The following THRB variants were observed in gnomAD, a reference collection of about 807,000 sequenced individuals.
THRB encodes the protein nuclear receptor subfamily 1 group A member 2.
Under a neutral mutation model 47.8 loss-of-function variants are expected in THRB, and 12 were observed. The observed-to-expected ratio is 0.25, with a 90% CI of 0.16 to 0.41. THRB has a LOEUF of 0.41. Among genes scored for constraint, THRB ranks in the 10% least tolerant of loss-of-function variants. The pLI is 1.00. For synonymous variants in THRB, 218 were observed against 212.2 expected (o/e 1.03, Z -0.24); for missense variants, 348 against 589.2 (o/e 0.59, Z 4.24).
intron 1 of THRB, among the ~76,000 whole-genome samples, chr3:24,493,925 T>C (rs1698584614): frequency 6.6e-6 from 1 of 152,232 alleles, no homozygotes; most frequent in South Asian, 2.1e-4. Context: ...AAATGAGTCC[T>C]TCTCCGAGGG....
intron 1 of THRB, among the ~76,000 whole-genome samples, chr3:24,463,164 A>C (rs1401275402): frequency 2.6e-5 from 4 of 152,256 alleles, no homozygotes. Context: ...TGGAGTGTTA[A>C]GGGATTAAGA....
Position 24,299,766 on chromosome 3 carries a change from C to CTTTTTTTTTTTTTTTTT in THRB, c.-188-2396_-188-2395insAAAAAAAAAAAAAAAAA, listed in dbSNP as rs1360367092. 2.4e-4 allele frequency among the ~76,000 whole-genome samples: 14 copies of CTTTTTTTTTTTTTTTTT among 58,570 alleles called. 5 individuals carry two copies. Among genetic ancestry groups the CTTTTTTTTTTTTTTTTT allele is most frequent in the African/African-American group, 8.9e-4 (11 of 12,370 alleles). 38.4% of individuals were successfully genotyped at this position (58,570 alleles called of 152,430 possible). A position where few individuals can be genotyped will look rare whatever the true frequency, so the allele number is the denominator to read the frequency against. ...GCCTTGAGGCTTCTGGGGAAGTATG[C>CTTTTTTTTTTTTTTTTT]TTTTTTATTTATTTATTTATTTATT... On this transcript the variant is annotated intron_variant, in intron 2 of 10. Coordinates refer to ENST00000646209, the MANE Select transcript of THRB (RefSeq NM_001354712.2).
At position 24,198,329 on chromosome 3, in the gene THRB, AGG is replaced by A. The variant is rs1278387818; in HGVS notation, c.23-7997_23-7996del. On this transcript the variant is annotated intron_variant, in intron 4 of 10. Coordinates refer to ENST00000646209, the MANE Select transcript of THRB (RefSeq NM_001354712.2). ...TTGCTATGGAAGCGTTATAGGTTATAGGACCTCACAGTGTTGGTGTGAAAGTA... is the reference window on the plus strand; with the variant it reads ...TTGCTATGGAAGCGTTATAGGTTATAACCTCACAGTGTTGGTGTGAAAGTA... Among the ~76,000 whole-genome samples, 5 of 152,138 alleles carry A rather than the reference AGG, an allele frequency of 3.3e-5. No homozygotes were observed. The South Asian group carries it at 6.2e-4, about 19-fold the overall frequency.
intron 8 of THRB, among the ~76,000 whole-genome samples, chr3:24,137,149 T>C (rs1476503419): frequency 6.6e-6 from 1 of 152,234 alleles, no homozygotes; most frequent in Admixed American, 6.5e-5. Flanking sequence ...ACCAAAGATA[T>C]GAACTTAAGG....
At position 24,138,443 on chromosome 3, in the gene THRB, G is replaced by A. The variant is rs545208646; in HGVS notation, c.739-4981C>T. ...GATAGTGCATGTAGTAACCACTTACGTGGTTGCTAACAATATGCCAGGCAG... is the reference window on the plus strand; with the variant it reads ...GATAGTGCATGTAGTAACCACTTACATGGTTGCTAACAATATGCCAGGCAG... On this transcript the variant is annotated intron_variant, in intron 8 of 10. Coordinates refer to ENST00000646209, the MANE Select transcript of THRB (RefSeq NM_001354712.2). Among the ~76,000 whole-genome samples, 6 of 152,246 alleles carry A rather than the reference G, an allele frequency of 3.9e-5. No individual in the cohort carries two copies. In the South Asian group the frequency reaches 1.2e-3, roughly 32 times the overall value.
chr3:24,196,110 C>T (rs2043927492), intron 4 of THRB, among the ~76,000 whole-genome samples: 1 of 152,128 alleles, frequency 6.6e-6, no homozygotes, highest in Non-Finnish European at 1.5e-5. Flanking sequence ...CCCTGTTTTA[C>T]ATGTGTGGAA....
chr3:24,293,980 C>T (rs2056207004), intron 3 of THRB, among the ~76,000 whole-genome samples: 1 of 152,236 alleles, frequency 6.6e-6, no homozygotes, highest in Non-Finnish European at 1.5e-5. Flanking sequence ...CTGCATGTCT[C>T]TGGCAATGTG....
intron 5 of THRB, among the ~76,000 whole-genome samples, chr3:24,184,850 C>T (rs1463895049): frequency 6.6e-6 from 1 of 152,134 alleles, no homozygotes; most frequent in African/African-American, 2.4e-5. Context: ...GCTTTTTAAT[C>T]CTCCACCTTT....
rs1440937328 is a variant in THRB, at chr3:24,262,668, C to T, written c.-42-33667G>A. On this transcript the variant is annotated intron_variant, in intron 3 of 10. Coordinates refer to ENST00000646209, the MANE Select transcript of THRB (RefSeq NM_001354712.2). ...TACCAACACCTTCTTTAAGTCTTTGCCCAAATGTTACCTTTCAATAAGATT... is the reference window on the plus strand; with the variant it reads ...TACCAACACCTTCTTTAAGTCTTTGTCCAAATGTTACCTTTCAATAAGATT... 3.8e-4 allele frequency among the ~76,000 whole-genome samples: 58 copies of T among 152,286 alleles called. 1 individual carries two copies. The highest frequency in any genetic ancestry group is 3.7e-3 in the Admixed American group (56 of 15,296).
intron 1 of THRB, among the ~76,000 whole-genome samples, chr3:24,358,236 T>C (rs1028885111): frequency 1.3e-5 from 2 of 152,182 alleles, no homozygotes; most frequent in African/African-American, 4.8e-5. Flanking sequence ...TTCCAGTGTA[T>C]TTATCTGACT....
chr3:24,191,260 A>G (rs1193240959), intron 4 of THRB, among the ~76,000 whole-genome samples: 4 of 151,940 alleles, frequency 2.6e-5, no homozygotes, highest in Non-Finnish European at 4.4e-5. Context: ...TAATATATAT[A>G]TATATACATA....
chr3:24,412,784 T>C (rs2068415906), intron 1 of THRB, among the ~76,000 whole-genome samples: 1 of 151,226 alleles, frequency 6.6e-6, no homozygotes, highest in African/African-American at 2.4e-5. Flanking sequence ...AAAGTCACTA[T>C]TTTTACAATT....
In THRB at chr3:24,236,515, G is replaced by C. The variant is rs544084650; in HGVS notation, c.-42-7514C>G. On this transcript the variant is annotated intron_variant, in intron 3 of 10. Transcript: ENST00000646209. The stretch of plus-strand genomic sequence containing the variant: ...CTGGCCAGCCTCAATCATCCCAAAG[G>C]CATGGGGGAACTGAAACTCTTGCCT... 5.9e-5 allele frequency among the ~76,000 whole-genome samples: 9 copies of C among 152,132 alleles called. No individual in the cohort carries two copies. In the South Asian group the frequency reaches 1.2e-3, roughly 21 times the overall value.
At chr3:24,325,293 C>T (rs983470298) in intron 2 of THRB, among the ~76,000 whole-genome samples, 1 of 152,152 alleles carries the variant, frequency 6.6e-6, no homozygotes, top group Non-Finnish European at 1.5e-5. Flanking sequence ...TAATGGCTGG[C>T]ATGATGCCTG....
chr3:24,227,534 T>C lies in THRB; in HGVS notation c.22+1404A>G, dbSNP rs188891966. The stretch of plus-strand genomic sequence containing the variant: ...CCTCAGCTCCTACAGGTGTGAATCA[T>C]TGTGATTTGCCCAGGCACCCCATCT... On this transcript the variant is annotated intron_variant, in intron 4 of 10. Transcript: ENST00000646209. Among the ~76,000 whole-genome samples the C allele has an allele frequency of 1.1e-4, 17 of 152,234 alleles. No individual in the cohort carries two copies. The East Asian group carries it at 1.4e-3, about 12-fold the overall frequency.
intron 1 of THRB, among the ~76,000 whole-genome samples, chr3:24,446,469 A>T (rs1373997172): frequency 6.6e-6 from 1 of 151,222 alleles, no homozygotes; most frequent in Non-Finnish European, 1.5e-5. Flanking sequence ...TTGTCAAAGG[A>T]GTTATGTGTG....
At chr3:24,410,985 T>G (rs2068243985) in intron 1 of THRB, among the ~76,000 whole-genome samples, 1 of 151,860 alleles carries the variant, frequency 6.6e-6, no homozygotes, top group African/African-American at 2.4e-5. Flanking sequence ...TTGTCCAGGC[T>G]AAATGGTCCT....
chr3:24,487,932 A>T (rs942196636), intron 1 of THRB, among the ~76,000 whole-genome samples: 1 of 152,238 alleles, frequency 6.6e-6, no homozygotes, highest in Non-Finnish European at 1.5e-5. Flanking sequence ...ACAGAATCCC[A>T]AGAGAAACAA....
At chr3:24,289,863 C>T (rs2055740065) in intron 3 of THRB, among the ~76,000 whole-genome samples, 1 of 152,056 alleles carries the variant, frequency 6.6e-6, no homozygotes, top group Admixed American at 6.5e-5. Flanking sequence ...TGGGATGTTC[C>T]CTATCATGGT....
Sources: gnomAD v4.1 joint callset for allele counts (sites outside exome capture counted in the v4.1 genomes callset) on GRCh38, gnomAD v4.1.1 for gene constraint, MANE v1.5 for transcripts, NCBI Gene and HGNC (gene_info 2026-07-23, HGNC 2026-07-21) for gene names.